WNK2: variants seen among roughly 807,000 people sequenced by gnomAD.
The protein encoded by WNK2 is WNK lysine deficient protein kinase 2, also known as serine/threonine-protein kinase WNK2.
In WNK2, 67 loss-of-function variants were observed where a neutral mutation model predicts 192.1. The ratio of observed to expected loss-of-function variants is 0.35; its 90% CI spans 0.29 to 0.43. WNK2 has a LOEUF of 0.43. Among genes scored for constraint, WNK2 ranks in the 20% least tolerant of loss-of-function variants. WNK2 has a pLI of 1.00. For missense variants in WNK2, 2,698 were observed against 3,089.7 expected, an observed-to-expected ratio of 0.87 and a Z score of 3.01; for synonymous variants, 1,439 against 1,393.9, an observed-to-expected ratio of 1.03 and a Z score of -0.72.
Position 93,243,843 on chromosome 9 carries a change from T to C in WNK2, c.1543-3700T>C, listed in dbSNP as rs112609198. ...GCCATGGACCCTAGACTGGAGGGGC[T>C]TCGCCGTGATGCAATGAAAACAGCT... On this transcript the variant is annotated intron_variant, in intron 7 of 29. Coordinates refer to ENST00000427277, the MANE Select transcript of WNK2 (RefSeq NM_006648.4). Among the ~76,000 whole-genome samples, 216 of 152,340 alleles carry C rather than the reference T, an allele frequency of 1.4e-3. 1 individual carries two copies. The highest frequency in any genetic ancestry group is 4.7e-3 in the African/African-American group (196 of 41,578).
At chr9:93,291,224 T>C (rs767900383) in intron 21 of WNK2, among the ~76,000 whole-genome samples, 10 of 152,208 alleles carry the variant, frequency 6.6e-5, no homozygotes, top group Non-Finnish European at 1.2e-4. Flanking sequence ...CTGGGCTGCC[T>C]GTGGCGCTCC....
At chr9:93,191,184 C>T in intron 2 of WNK2, among the ~76,000 whole-genome samples, 1 of 152,106 alleles carries the variant, frequency 6.6e-6, no homozygotes, top group African/African-American at 2.4e-5. Context: ...TTGCATCCCC[C>T]CACCCTGTCC....
Position 93,263,599 on chromosome 9 carries a change from G to T in WNK2, c.3444G>T (p.Glu1148Asp). The T allele has an allele frequency of 6.2e-7, 1 of 1,611,148 alleles. No individual in the cohort carries two copies. The change falls in exon 15 of 30, where the codon GAG becomes GAT. Residue 1148 changes from glutamate (E) to aspartate (D), a missense_variant. Physicochemically the swap from Glu to Asp is conservative, Grantham distance 45 (BLOSUM62 2). This residue lies in a region of WNK2 where 893 missense variants were observed against 909.0 expected (regional missense o/e 0.98). Transcript: ENST00000427277. The stretch of plus-strand genomic sequence containing the variant: ...GTTCTGATGTCACTTCTGGAAAAGA[G>T]CTGAGTGACAGCTGTGAAGGCGCCT... ...YGGSDVTSGK[E>D]LSDSCEGAFG... is the part of the protein sequence containing the mutation.
At chr9:93,255,363 C>T (rs568400115) in intron 9 of WNK2, among the ~76,000 whole-genome samples, 4 of 152,162 alleles carry the variant, frequency 2.6e-5, no homozygotes, top group East Asian at 1.9e-4. Flanking sequence ...AGGCCCTGCC[C>T]GAGCTCCTGG....
chr9:93,231,823 G>A (rs2132059935), intron 4 of WNK2, among the ~76,000 whole-genome samples: 1 of 152,366 alleles, frequency 6.6e-6, no homozygotes, highest in South Asian at 2.1e-4. Context: ...GAGCTTCTTT[G>A]CAGAGACCAG....
chr9:93,251,912 C>A (rs1200399680), intron 8 of WNK2, among the ~76,000 whole-genome samples: 1 of 152,104 alleles, frequency 6.6e-6, no homozygotes, highest in Non-Finnish European at 1.5e-5. Flanking sequence ...CTTATGTCTT[C>A]CTAGGTTACA....
At chr9:93,190,260 AGTG>A (rs915856551) in intron 2 of WNK2, among the ~76,000 whole-genome samples, 4 of 152,204 alleles carry the variant, frequency 2.6e-5, no homozygotes, top group Non-Finnish European at 5.9e-5. Context: ...CTGCCCCCCG[AGTG>A]GTGGTGGCGA....
At chr9:93,242,156 G>A (rs58220318) in intron 7 of WNK2, among the ~76,000 whole-genome samples, 3,751 of 152,272 alleles carry the variant, frequency 0.025, 152 homozygotes, top group African/African-American at 0.086. Context: ...GGCTGTGATA[G>A]CACAGTGAGG....
intron 2 of WNK2, among the ~76,000 whole-genome samples, chr9:93,192,504 G>A (rs1328307169): frequency 6.6e-6 from 1 of 151,862 alleles, no homozygotes; most frequent in African/African-American, 2.4e-5. Flanking sequence ...CGGGTGGAGT[G>A]GGATCTCCCA....
chr9:93,272,903 G>GATTAAAAA (rs1736700823), intron 19 of WNK2, among the ~76,000 whole-genome samples: 1 of 151,936 alleles, frequency 6.6e-6, no homozygotes, highest in Non-Finnish European at 1.5e-5. Flanking sequence ...GTTTTAACAC[G>GATTAAAAA]TCAATTAAAA....
chr9:93,199,639 C>T (rs559630352), intron 2 of WNK2, among the ~76,000 whole-genome samples: 36 of 152,294 alleles, frequency 2.4e-4, no homozygotes, highest in African/African-American at 7.9e-4. Context: ...TGGCTCAGGC[C>T]TGTAATCCCA....
rs772704994 is a variant in WNK2, at chr9:93,308,578, G to A, written c.6510G>A (p.Ala2170=). 12 of 1,579,582 alleles carry A rather than the reference G, an allele frequency of 7.6e-6. No homozygotes were observed. The highest frequency in any genetic ancestry group is 1.3e-5 in the African/African-American group (1 of 74,496). Residue 2170 remains alanine, a synonymous_variant, in exon 28 of 30, where the codon GCG becomes GCA. Coordinates refer to ENST00000427277, the MANE Select transcript of WNK2 (RefSeq NM_006648.4). ...CAGGCTGGGCTGCCCCTGGCGAGGC[G>A]CGGGCTGTGAGTGCGGGGCGGGTGG... The part of the protein sequence containing the change: ...AQAGWAAPGE[A]RAMTAPRAGV...
At chr9:93,241,714 T>C (rs1159041768) in intron 7 of WNK2, among the ~76,000 whole-genome samples, 1 of 152,132 alleles carries the variant, frequency 6.6e-6, no homozygotes, top group Non-Finnish European at 1.5e-5. Context: ...GCCAGTGAGC[T>C]GCGTGTTTGT....
At chr9:93,223,103 GTTTGT>G (rs903548141) in intron 2 of WNK2, among the ~76,000 whole-genome samples, 12 of 152,276 alleles carry the variant, frequency 7.9e-5, no homozygotes, top group African/African-American at 2.4e-4. Context: ...AAGGAAGTGA[GTTTGT>G]TTTAAGACCA....
chr9:93,204,066 G>A (rs928945941), intron 2 of WNK2, among the ~76,000 whole-genome samples: 2 of 152,096 alleles, frequency 1.3e-5, no homozygotes, highest in Non-Finnish European at 2.9e-5. Context: ...GGGGGTGTGG[G>A]GGCTGTATTC....
At chr9:93,314,041 C>T (rs1426376717) in intron 28 of WNK2, among the ~76,000 whole-genome samples, 1 of 150,814 alleles carries the variant, frequency 6.6e-6, no homozygotes, top group African/African-American at 2.4e-5. Context: ...GAGGCTGAGG[C>T]GGGTGGATCA....
chr9:93,246,675 C>A (rs1322912586), intron 7 of WNK2, among the ~76,000 whole-genome samples: 2 of 152,248 alleles, frequency 1.3e-5, no homozygotes, highest in African/African-American at 4.8e-5. Flanking sequence ...ATAGCTATGA[C>A]TCCCTCTGTG....
At chr9:93,219,411 G>A (rs767190545) in intron 2 of WNK2, among the ~76,000 whole-genome samples, 1 of 152,250 alleles carries the variant, frequency 6.6e-6, no homozygotes. Context: ...GACCACAGTA[G>A]GGATACCTGC....
chr9:93,305,377 A>G (rs1852338857), intron 26 of WNK2, among the ~76,000 whole-genome samples: 1 of 152,168 alleles, frequency 6.6e-6, no homozygotes, highest in African/African-American at 2.4e-5. Flanking sequence ...AACTTGAGTG[A>G]GCCATTGAGG....
Sources: allele counts gnomAD v4.1 joint callset (sites outside exome capture counted in the v4.1 genomes callset), GRCh38; gene constraint gnomAD v4.1.1; regional missense constraint gnomAD v4.1.1; transcripts MANE v1.5; gene names NCBI Gene and HGNC (gene_info 2026-07-23, HGNC 2026-07-21).